DNHD1: variants seen among roughly 807,000 people sequenced by gnomAD.
DNHD1 encodes dynein heavy chain domain-containing protein 1.
Under a neutral mutation model 458.1 loss-of-function variants are expected in DNHD1, and 383 were observed. The observed-to-expected ratio is 0.84, with a 90% CI of 0.77 to 0.91. DNHD1 has a LOEUF of 0.91. Ranked by LOEUF, DNHD1 falls within the 40% of genes least tolerant of loss-of-function variation. DNHD1 has a pLI of 0.00. For synonymous variants in DNHD1, 2,203 were observed against 2,376.9 expected (o/e 0.93, Z 2.13); for missense variants, 5,336 against 5,866.1 (o/e 0.91, Z 2.95).
Position 6,563,754 on chromosome 11 carries a change from T to C in DNHD1, c.9914T>C (p.Ile3305Thr), listed in dbSNP as rs1205784737. 2 of 1,551,296 alleles carry C rather than the reference T, an allele frequency of 1.3e-6. No individual in the cohort carries two copies. Among genetic ancestry groups the C allele is most frequent in the Non-Finnish European group, 1.7e-6 (2 of 1,146,836 alleles). Reference sequence around the variant, plus strand: ...TCAGAGCTGATAAAGTTACATCTAATTCTGAAGGCTCCAGGTATGGACGAT... The same window carrying C: ...TCAGAGCTGATAAAGTTACATCTAACTCTGAAGGCTCCAGGTATGGACGAT... Reference protein sequence around the residue: ...TDSELIKLHLILKAPGMDDAA... With the variant: ...TDSELIKLHLTLKAPGMDDAA... Residue 3305 changes from isoleucine (I) to threonine (T), a missense_variant, in exon 31 of 43, where the codon ATT becomes ACT. Physicochemically the swap from Ile to Thr is moderately conservative, Grantham distance 89. Transcript: ENST00000254579.
intron 3 of DNHD1, among the ~76,000 whole-genome samples, chr11:6,500,061 T>G (rs1000494723): frequency 6.6e-6 from 1 of 151,350 alleles, no homozygotes; most frequent in Admixed American, 6.6e-5. Flanking sequence ...GCCTCACAGG[T>G]TCAAGCGATT....
chr11:6,498,637 TAGAC>T lies in DNHD1; in HGVS notation c.425_428del (p.Asp142ValfsTer35), dbSNP rs1286920643. The T allele has an allele frequency of 6.2e-7, 1 of 1,614,210 alleles. No homozygotes were observed. The highest frequency in any genetic ancestry group is 8.5e-7 in the Non-Finnish European group (1 of 1,180,030). On this transcript the variant is annotated frameshift_variant, in exon 3 of 43. Coordinates refer to ENST00000254579, the MANE Select transcript of DNHD1 (RefSeq NM_144666.3). LOFTEE classifies it high-confidence loss of function. ...GCCTTTCCTCCAGACAGCTCTTTGTTAGACAGTGCTTCCCATGCTGACTGCTGTC... is the reference window on the plus strand; with the variant it reads ...GCCTTTCCTCCAGACAGCTCTTTGTTAGTGCTTCCCATGCTGACTGCTGTC...
At position 6,539,973 on chromosome 11, in the gene DNHD1, T is replaced by C; in HGVS notation, c.3518T>C (p.Ile1173Thr). The change falls in exon 18 of 43, where the codon ATC (isoleucine) becomes ACC (threonine). Residue 1173 changes from isoleucine to threonine, a missense_variant. Coordinates refer to ENST00000254579, the MANE Select transcript of DNHD1 (RefSeq NM_144666.3). ...EARQLRLLNF[I>T]LHVPYEPPAS... ...CGCCAGCTGCGCCTGCTCAACTTCA[T>C]CCTGCATGTACCCTACGAGCCCCCA... The C allele has an allele frequency of 3.9e-6, 6 of 1,551,704 alleles. No individual in the cohort carries two copies. The highest frequency in any genetic ancestry group is 5.2e-6 in the Non-Finnish European group (6 of 1,146,986).
chr11:6,564,003 C>T lies in DNHD1; in HGVS notation c.10163C>T (p.Ala3388Val), dbSNP rs1471112758. ...NLALAKMVEDAQASHNCVAKT... is the reference protein window; with the variant it reads ...NLALAKMVEDVQASHNCVAKT... ...GCCCTGGCTAAGATGGTGGAGGATG[C>T]CCAAGCTTCCCACAACTGCGTGGCA... is the stretch of plus-strand genomic sequence containing the variant. Residue 3388 changes from alanine (A) to valine (V), a missense_variant, in exon 31 of 43, where the codon GCC becomes GTC. Transcript: ENST00000254579. 3.2e-6 allele frequency: 5 copies of T among 1,551,592 alleles called. No homozygotes were observed. Among genetic ancestry groups the T allele is most frequent in the Non-Finnish European group, 4.4e-6 (5 of 1,146,998 alleles).
chr11:6,560,595 C>T (rs1209704295), intron 28 of DNHD1, among the ~76,000 whole-genome samples: 2 of 152,196 alleles, frequency 1.3e-5, no homozygotes, highest in Non-Finnish European at 2.9e-5. Flanking sequence ...ATTCCTTGAT[C>T]TGTGAGTCAG....
In DNHD1 at chr11:6,518,779, A is replaced by G. The variant is rs115976470; in HGVS notation, c.1393-821A>G. On this transcript the variant is annotated intron_variant, in intron 7 of 42. Coordinates refer to ENST00000254579, the MANE Select transcript of DNHD1 (RefSeq NM_144666.3). ...TCATATACAAAATCATCTTATGCAT[A>G]GGGCATGTTTGTATATGATGTCCCG... Among the ~76,000 whole-genome samples, 1,352 of 152,312 alleles carry G rather than the reference A, an allele frequency of 8.9e-3. 19 individuals are homozygous for G. The highest frequency in any genetic ancestry group is 0.031 in the African/African-American group (1,271 of 41,556).
chr11:6,512,347 A>C (rs1005126956), intron 7 of DNHD1, among the ~76,000 whole-genome samples: 1 of 148,694 alleles, frequency 6.7e-6, no homozygotes, highest in Non-Finnish European at 1.5e-5. Context: ...CAGCCTCCCA[A>C]GTAGCTGGGA....
rs989141013 is a variant in DNHD1 at position 6,556,570 on chromosome 11, C to T, written c.7388-113C>T. On this transcript the variant is annotated intron_variant, in intron 24 of 42. Coordinates refer to ENST00000254579, the MANE Select transcript of DNHD1 (RefSeq NM_144666.3). ...ACTCAAATGTGACCAAGTCCCAACA[C>T]GTCAGATTCACAAAATTCCTTTAGA... 21 of 1,052,044 alleles carry T rather than the reference C, an allele frequency of 2.0e-5. No homozygotes were observed. In the Admixed American group the frequency reaches 5.4e-4, roughly 27 times the overall value. The allele number at this position is 1,052,044 out of a possible 1,614,324, so 65.2% of individuals were successfully genotyped here.
At position 6,559,288 on chromosome 11, in the gene DNHD1, G is replaced by C. The variant is rs1853535185; in HGVS notation, c.9519+5G>C. 15 of 1,551,132 alleles carry C rather than the reference G, an allele frequency of 9.7e-6. 1 individual carries two copies. In the African/African-American group the frequency reaches 1.4e-4, roughly 14 times the overall value. ...CAGCTGAAAGACTCCGGCAAGGTAA[G>C]GAGATGATTTTGAGGCTTCCATGGT... is the stretch of plus-strand genomic sequence containing the variant. On this transcript the variant is annotated splice_donor_5th_base_variant and intron_variant, in intron 28 of 42. Transcript: ENST00000254579.
At chr11:6,549,668 C>T (rs1246388755) in intron 24 of DNHD1, among the ~76,000 whole-genome samples, 1 of 152,240 alleles carries the variant, frequency 6.6e-6, no homozygotes, top group Non-Finnish European at 1.5e-5. Flanking sequence ...CCATCCTGTG[C>T]TCTGTACAAT....
chr11:6,534,254 G>A (rs1180977406), intron 14 of DNHD1, 81 bp downstream of exon 14: 5 of 1,426,950 alleles, frequency 3.5e-6, no homozygotes, highest in Non-Finnish European at 4.7e-6. Flanking sequence ...TCAGGGTTCT[G>A]TGTCCTGTAT....
rs909361205 is a variant in DNHD1 at position 6,567,834 on chromosome 11, C to T, written c.12325C>T (p.Gln4109Ter). ...CACTCTGCATCCTCTGACTGTCATC[C>T]AGAAACTGGCTGCCAAGTATCAGCA... ...SATLHPLTVI[Q>*]KLAAKYQQGQ... The change falls in exon 36 of 43, where the codon CAG becomes TAG. Residue 4109 changes from glutamine (Q) to a stop codon, truncating the protein, a stop_gained. Transcript: ENST00000254579. LOFTEE classifies it high-confidence loss of function. The T allele has an allele frequency of 6.2e-7, 1 of 1,612,440 alleles. No individual in the cohort carries two copies. Among genetic ancestry groups the T allele is most frequent in the African/African-American group, 1.3e-5 (1 of 75,072 alleles).
chr11:6,559,179 AG>A lies in DNHD1; in HGVS notation c.9418del. On this transcript the variant is annotated splice_acceptor_variant, in intron 27 of 42. Coordinates refer to ENST00000254579, the MANE Select transcript of DNHD1 (RefSeq NM_144666.3). LOFTEE classifies it high-confidence loss of function. ...TTCCTCACCAGCACATTGTATCTCC[AG>A]GGTCCAGAATGCCTTGGAGAATCTG... 1 of 1,551,708 alleles carries A rather than the reference AG, an allele frequency of 6.4e-7. No homozygotes were observed. Among genetic ancestry groups the A allele is most frequent in the South Asian group, 1.2e-5 (1 of 84,056 alleles).
intron 24 of DNHD1, 167 bp downstream of exon 24, chr11:6,549,100 C>A: frequency 1.4e-6 from 1 of 720,752 alleles, no homozygotes; most frequent in Non-Finnish European, 2.2e-6. Flanking sequence ...ATCCCATCCA[C>A]TCTCATGGCC....
chr11:6,570,424 G>T (rs1265318624), intron 41 of DNHD1, 28 bp downstream of exon 41: 1 of 1,591,288 alleles, frequency 6.3e-7, no homozygotes. Context: ...ATCTGTTTTG[G>T]GGTAGGGAAT....
chr11:6,498,108 G>A lies in DNHD1; in HGVS notation c.-108G>A. 6.7e-7 allele frequency: 1 copy of A among 1,485,006 alleles called. No homozygotes were observed. The highest frequency in any genetic ancestry group is 9.1e-7 in the Non-Finnish European group (1 of 1,093,810). The allele number at this position is 1,485,006 out of a possible 1,614,324, so 92.0% of individuals were successfully genotyped here. ...AGGTCCCTTCTCTGGCCCCTCTGCT[G>A]GGCTGGCCCATGCAGGTGAGGCCCC... On this transcript the variant is annotated 5_prime_UTR_variant, in exon 3 of 43. Coordinates refer to ENST00000254579, the MANE Select transcript of DNHD1 (RefSeq NM_144666.3).
chr11:6,524,875 TAAAAC>T (rs1398115142), intron 10 of DNHD1, among the ~76,000 whole-genome samples: 3 of 152,142 alleles, frequency 2.0e-5, no homozygotes, highest in East Asian at 3.9e-4. Flanking sequence ...CTAAACAAAA[TAAAAC>T]AAAACAAAAC....
chr11:6,535,118 T>C (rs182713331), intron 14 of DNHD1, among the ~76,000 whole-genome samples: 1 of 152,360 alleles, frequency 6.6e-6, no homozygotes, highest in African/African-American at 2.4e-5. Context: ...ATCTTCTTTA[T>C]CATCAGTCAT....
At position 6,548,313 on chromosome 11, in the gene DNHD1, C is replaced by A. The variant is rs1363428945; in HGVS notation, c.7009C>A (p.Pro2337Thr). 2 of 1,551,536 alleles carry A rather than the reference C, an allele frequency of 1.3e-6. No individual in the cohort carries two copies. The highest frequency in any genetic ancestry group is 4.9e-5 in the East Asian group (2 of 40,936). ...CTTGGTGTTTGATCTACATGTAAGC[C>A]CTGAAGATGGAACACTGGTCCCCTT... ...SALVFDLHVS[P>T]EDGTLVPFTG... The change falls in exon 23 of 43, where the codon CCT becomes ACT. Residue 2337 changes from proline (P) to threonine (T), a missense_variant. Physicochemically the swap from Pro to Thr is conservative, Grantham distance 38. Coordinates refer to ENST00000254579, the MANE Select transcript of DNHD1 (RefSeq NM_144666.3). The surrounding 1 kb of genome is among the most constrained non-coding windows in gnomAD (Gnocchi z 4.4).
Sources: gnomAD v4.1 joint callset for allele counts (sites outside exome capture counted in the v4.1 genomes callset) on GRCh38, gnomAD v4.1.1 for gene constraint, Gnocchi (gnomAD v3.1) non-coding constraint, MANE v1.5 for transcripts, NCBI Gene and HGNC (gene_info 2026-07-23, HGNC 2026-07-21) for gene names.